The following PAPPA2 variants were observed in gnomAD, a reference collection of about 807,000 sequenced individuals.
PAPPA2 encodes the protein pappalysin-2.
PAPPA2 carries 86 observed loss-of-function variants against 176.4 expected under a neutral mutation model. The ratio of observed to expected loss-of-function variants is 0.49; its 90% confidence interval spans 0.41 to 0.58. PAPPA2 has a LOEUF of 0.58. Among genes scored for constraint, PAPPA2 ranks in the 20% least tolerant of loss-of-function variants. PAPPA2 has a pLI of 0.00. For synonymous variants in PAPPA2, 809 were observed against 852.2 expected, an observed-to-expected ratio of 0.95 and a Z score of 0.88; for missense variants, 2,073 against 2,256.9, an observed-to-expected ratio of 0.92 and a Z score of 1.65.
chr1:176,831,796 T>A (rs1303573827), intron 21 of PAPPA2, among the ~76,000 whole-genome samples: 1 of 152,238 alleles, frequency 6.6e-6, no homozygotes, highest in East Asian at 1.9e-4. Context: ...ATCTGTGTGA[T>A]GGTTTGGGGT....
chr1:176,831,715 T>C (rs1381875472), intron 21 of PAPPA2, among the ~76,000 whole-genome samples: 2 of 152,178 alleles, frequency 1.3e-5, no homozygotes, highest in African/African-American at 2.4e-5. Flanking sequence ...AGGTTAGTTT[T>C]GGCTGAAAAG....
chr1:176,582,974 T>A (rs1653078485), intron 2 of PAPPA2, among the ~76,000 whole-genome samples: 2 of 152,176 alleles, frequency 1.3e-5, no homozygotes, highest in Admixed American at 6.5e-5. Flanking sequence ...CTTGGTTAAA[T>A]CTTGGCAGGT....
At chr1:176,811,189 A>C (rs543533047) in intron 21 of PAPPA2, among the ~76,000 whole-genome samples, 8 of 152,324 alleles carry the variant, frequency 5.3e-5, no homozygotes, top group African/African-American at 1.9e-4. Context: ...ATGAATTCTT[A>C]TTATAAAGAG....
chr1:176,672,456 A>G (rs1383727062), intron 4 of PAPPA2, among the ~76,000 whole-genome samples: 1 of 152,204 alleles, frequency 6.6e-6, no homozygotes, highest in Non-Finnish European at 1.5e-5. Flanking sequence ...GCACCTGGTC[A>G]TAGTGAAGTC....
At position 176,730,379 on chromosome 1, in the gene PAPPA2, T is replaced by C. The variant is rs528798141; in HGVS notation, c.3799-9247T>C. Among the ~76,000 whole-genome samples the C allele has an allele frequency of 6.6e-5, 10 of 152,172 alleles. No individual in the cohort carries two copies. In the East Asian group the frequency reaches 1.9e-3, roughly 29 times the overall value. ...CAGAAATTTATTAATTTCTTCCATA[T>C]ATGCAAATTTAGTGCTGATATTTGT... On this transcript the variant is annotated intron_variant, in intron 12 of 22. Coordinates refer to ENST00000367662, the MANE Select transcript of PAPPA2 (RefSeq NM_020318.3).
Position 176,671,071 on chromosome 1 carries a change from G to C in PAPPA2, c.2093G>C (p.Gly698Ala). ...FASSVREDLAGAATWPWDKDA... is the reference protein window; with the variant it reads ...FASSVREDLAAAATWPWDKDA... ...AGCTCAGTGCGGGAAGACCTTGCAGGTGCTGCCACCTGGCCTTGGGACAAG... is the reference window on the plus strand; with the variant it reads ...AGCTCAGTGCGGGAAGACCTTGCAGCTGCTGCCACCTGGCCTTGGGACAAG... Residue 698 changes from glycine (G) to alanine (A), a missense_variant, in exon 4 of 23, where the codon GGT becomes GCT. Gly to Ala is a moderately conservative substitution (Grantham distance 60). Around this residue, in one of 4 missense-constraint regions of PAPPA2, gnomAD observed 1,196 missense variants for 1,330.4 expected, o/e 0.90. Coordinates refer to ENST00000367662, the MANE Select transcript of PAPPA2 (RefSeq NM_020318.3). 6.2e-7 allele frequency: 1 copy of C among 1,613,984 alleles called. No individual in the cohort carries two copies. The highest frequency in any genetic ancestry group is 8.5e-7 in the Non-Finnish European group (1 of 1,179,902).
intron 1 of PAPPA2, among the ~76,000 whole-genome samples, chr1:176,543,611 A>G (rs1650477861): frequency 6.6e-6 from 1 of 152,082 alleles, no homozygotes; most frequent in African/African-American, 2.4e-5. Flanking sequence ...CTCACTGACT[A>G]GGTCAGAACA....
chr1:176,712,051 G>GTT lies in PAPPA2; in HGVS notation c.3798+71_3798+72insTT, dbSNP rs1437071274. 3 of 1,523,114 alleles carry GTT rather than the reference G, an allele frequency of 2.0e-6. No individual in the cohort carries two copies. The African/African-American group carries it at 4.1e-5, about 21-fold the overall frequency. The allele number at this position is 1,523,114 out of a possible 1,614,324, so 94.3% of individuals were successfully genotyped here. A position where few individuals can be genotyped will look rare whatever the true frequency, so the allele number is the denominator to read the frequency against. ...CATATGTGTGTGTGTGTGTGTGTGTGTGTGTGTAAATGGTGCATTTGGATG... is the reference window on the plus strand; with the variant it reads ...CATATGTGTGTGTGTGTGTGTGTGTGTTTGTGTGTAAATGGTGCATTTGGATG... On this transcript the variant is annotated intron_variant, in intron 12 of 22. Transcript: ENST00000367662.
chr1:176,665,412 G>A (rs920620653), intron 3 of PAPPA2, among the ~76,000 whole-genome samples: 8 of 152,056 alleles, frequency 5.3e-5, no homozygotes, highest in African/African-American at 1.9e-4. Context: ...GGAAAAGCTG[G>A]CCTTAGAGAG....
intron 17 of PAPPA2, among the ~76,000 whole-genome samples, chr1:176,786,497 T>A (rs1400098850): frequency 6.6e-6 from 1 of 152,236 alleles, no homozygotes; most frequent in Non-Finnish European, 1.5e-5. Context: ...AGCCGTACGC[T>A]AAGATTTGCA....
chr1:176,604,559 C>T (rs965289217), intron 3 of PAPPA2, among the ~76,000 whole-genome samples: 1 of 152,174 alleles, frequency 6.6e-6, no homozygotes, highest in Admixed American at 6.5e-5. Context: ...TACATATTGT[C>T]TATGGCTGCT....
At chr1:176,832,716 C>T (rs181614792) in intron 21 of PAPPA2, among the ~76,000 whole-genome samples, 225 of 152,314 alleles carry the variant, frequency 1.5e-3, no homozygotes, top group Non-Finnish European at 2.6e-3. Flanking sequence ...GGAACTATTA[C>T]GCCCTGGGTA....
At position 176,671,118 on chromosome 1, in the gene PAPPA2, A is replaced by G. The variant is rs201555832; in HGVS notation, c.2137+3A>G. On this transcript the variant is annotated splice_donor_region_variant and intron_variant, in intron 4 of 22. Transcript: ENST00000367662. Reference sequence around the variant, plus strand: ...CAAGGACGCTGTCACTCACCTGGGTAAGTGAAATGAAGACCAAACATAGTA... The same window carrying G: ...CAAGGACGCTGTCACTCACCTGGGTGAGTGAAATGAAGACCAAACATAGTA... 60 of 1,613,406 alleles carry G rather than the reference A, an allele frequency of 3.7e-5. No homozygotes were observed. The highest frequency in any genetic ancestry group is 4.9e-5 in the Non-Finnish European group (58 of 1,179,702).
intron 10 of PAPPA2, 27 bp downstream of exon 10, chr1:176,706,477 T>C (rs774480246): frequency 5.0e-6 from 8 of 1,589,794 alleles, no homozygotes; most frequent in Non-Finnish European, 6.9e-6. Flanking sequence ...CAGTCTAAGA[T>C]TGTGTCCTAC....
intron 3 of PAPPA2, among the ~76,000 whole-genome samples, chr1:176,643,579 A>G (rs1054762382): frequency 6.6e-6 from 1 of 151,934 alleles, no homozygotes; most frequent in East Asian, 2.0e-4. Flanking sequence ...GCCTTTCAGA[A>G]TCTATCAGTG....
intron 3 of PAPPA2, among the ~76,000 whole-genome samples, chr1:176,659,216 T>C (rs1658198907): frequency 3.3e-5 from 5 of 151,688 alleles, no homozygotes; most frequent in Admixed American, 3.3e-4. Context: ...AAACTGGGGG[T>C]CTTAAACCAC....
intron 12 of PAPPA2, among the ~76,000 whole-genome samples, chr1:176,721,062 C>CATGACA (rs1210565609): frequency 6.6e-6 from 1 of 152,190 alleles, no homozygotes; most frequent in African/African-American, 2.4e-5. Context: ...TGCTGACTCA[C>CATGACA]ATGACAGTCT....
chr1:176,504,113 A>G (rs962213190), intron 1 of PAPPA2, among the ~76,000 whole-genome samples: 2 of 152,104 alleles, frequency 1.3e-5, no homozygotes, highest in Non-Finnish European at 1.5e-5. Context: ...TTTACCCTCT[A>G]TGACATACTG....
At chr1:176,636,913 A>T (rs1207146486) in intron 3 of PAPPA2, among the ~76,000 whole-genome samples, 2 of 152,176 alleles carry the variant, frequency 1.3e-5, no homozygotes, top group African/African-American at 4.8e-5. Context: ...GGAATAGATA[A>T]AATAGAAATC....
Sources: allele counts gnomAD v4.1 joint callset (sites outside exome capture counted in the v4.1 genomes callset), GRCh38; gene constraint gnomAD v4.1.1; regional missense constraint gnomAD v4.1.1; transcripts MANE v1.5; gene names NCBI Gene and HGNC (gene_info 2026-07-23, HGNC 2026-07-21).